P3H2: variants seen among roughly 807,000 people sequenced by gnomAD.
P3H2 encodes the protein leprecan-like 1.
A neutral mutation model predicts 87.0 loss-of-function variants in P3H2; 80 were observed. The observed-to-expected ratio is 0.92, with a 90% CI of 0.77 to 1.11. The LOEUF (loss-of-function observed/expected upper bound fraction) is 1.11. Ranked by LOEUF, P3H2 falls within the 50% of genes least tolerant of loss-of-function variation. The pLI, the probability that P3H2 is intolerant of heterozygous loss-of-function variation, is 0.00. For missense variants in P3H2, 1,001 were observed against 923.9 expected, an observed-to-expected ratio of 1.08 and a Z score of -1.08; for synonymous variants, 367 against 359.3, an observed-to-expected ratio of 1.02 and a Z score of -0.24.
intron 1 of P3H2, among the ~76,000 whole-genome samples, chr3:190,036,557 T>C (rs564122743): frequency 3.9e-4 from 59 of 152,274 alleles, no homozygotes; most frequent in African/African-American, 1.3e-3. Flanking sequence ...AAAATTAACA[T>C]TGAGTCTTAA....
At chr3:189,962,270 G>A (rs1722842630) in intron 14 of P3H2, among the ~76,000 whole-genome samples, 1 of 147,514 alleles carries the variant, frequency 6.8e-6, no homozygotes, top group Non-Finnish European at 1.5e-5. Context: ...CACCTCCTGG[G>A]TTCAAGCGAT....
chr3:190,112,924 T>G (rs1416764479), intron 1 of P3H2, among the ~76,000 whole-genome samples: 1 of 148,902 alleles, frequency 6.7e-6, no homozygotes, highest in African/African-American at 2.5e-5. Context: ...AGAAGAAAGA[T>G]GAATGGAAAA....
rs757519022 is a variant in P3H2, at chr3:189,972,933, A to G, written c.1640T>C (p.Met547Thr). Residue 547 changes from methionine (M) to threonine (T), a missense_variant, in exon 11 of 15, where the codon ATG becomes ACG. Transcript: ENST00000319332. ...GGAAAAATACAGAGTTGAGTTCAGC[A>G]TAAAATAAGATTCTACAATCCTTCG... ...KARRIVESYF[M>T]LNSTLYFSYT... The G allele has an allele frequency of 3.1e-6, 5 of 1,614,156 alleles. No individual in the cohort carries two copies. In the East Asian group the frequency reaches 6.7e-5, roughly 22 times the overall value.
chr3:190,065,346 T>G (rs961591769), intron 1 of P3H2, among the ~76,000 whole-genome samples: 19 of 152,148 alleles, frequency 1.2e-4, no homozygotes, highest in Admixed American at 7.9e-4. Context: ...TCCTTGTCTA[T>G]CAACTGGTTG....
chr3:190,089,242 A>T (rs1214178790), intron 1 of P3H2, among the ~76,000 whole-genome samples: 2 of 152,198 alleles, frequency 1.3e-5, no homozygotes, highest in African/African-American at 2.4e-5. Flanking sequence ...GCGGGGAGGG[A>T]TAGCATTAGG....
In P3H2 at chr3:189,987,549, G is replaced by A. The variant is rs753433171; in HGVS notation, c.1076C>T (p.Pro359Leu). The A allele has an allele frequency of 1.3e-5, 21 of 1,613,666 alleles. No individual in the cohort carries two copies. The highest frequency in any genetic ancestry group is 8.8e-5 in the South Asian group (8 of 91,072). The change falls in exon 5 of 15, where the codon CCG (proline) becomes CTG (leucine). Residue 359 changes from proline to leucine, a missense_variant. Coordinates refer to ENST00000319332, the MANE Select transcript of P3H2 (RefSeq NM_018192.4). ...YESLLDDSID[P>L]ASIEAREDLT... The stretch of plus-strand genomic sequence containing the variant: ...CACCTCTCTGGCCTCAATGGATGCC[G>A]GGTCAATGCTATCATCCAGCAGACT...
chr3:190,039,562 C>T (rs1725536817), intron 1 of P3H2, among the ~76,000 whole-genome samples: 1 of 152,012 alleles, frequency 6.6e-6, no homozygotes, highest in South Asian at 2.1e-4. Flanking sequence ...TGTGTTAAGC[C>T]CATAGCATGG....
chr3:190,083,652 A>G (rs2840177), intron 1 of P3H2, among the ~76,000 whole-genome samples: 1 of 152,240 alleles, frequency 6.6e-6, no homozygotes, highest in Non-Finnish European at 1.5e-5. Context: ...TCTAAAATTA[A>G]CTGAGTATAA....
intron 14 of P3H2, among the ~76,000 whole-genome samples, chr3:189,962,151 TC>T (rs1232703800): frequency 1.9e-5 from 2 of 106,266 alleles, no homozygotes; most frequent in East Asian, 4.8e-4. Context: ...TCTTTCTTTT[TC>T]TTCTTCTTCT....
At chr3:190,089,819 C>T (rs764484021) in intron 1 of P3H2, among the ~76,000 whole-genome samples, 1 of 152,140 alleles carries the variant, frequency 6.6e-6, no homozygotes, top group Non-Finnish European at 1.5e-5. Flanking sequence ...TTTAAAAAGA[C>T]TTGCATACCA....
At chr3:189,967,991 A>C (rs1723051845) in intron 13 of P3H2, among the ~76,000 whole-genome samples, 1 of 152,206 alleles carries the variant, frequency 6.6e-6, no homozygotes, top group Non-Finnish European at 1.5e-5. Context: ...AAAAGTTTAG[A>C]AATAGCTTCT....
rs1216114383 is a variant in P3H2, at chr3:189,957,901, C to G, written c.*11G>C. 6.5e-7 allele frequency: 1 copy of G among 1,546,002 alleles called. No homozygotes were observed. The highest frequency in any genetic ancestry group is 1.1e-5 in the South Asian group (1 of 89,684). On this transcript the variant is annotated 3_prime_UTR_variant, in exon 15 of 15. Coordinates refer to ENST00000319332, the MANE Select transcript of P3H2 (RefSeq NM_018192.4). ...TTAAATAAATATTTGATAGAACATTCTTTCTCATTTTTATAGCTCATCTTT... is the reference window on the plus strand; with the variant it reads ...TTAAATAAATATTTGATAGAACATTGTTTCTCATTTTTATAGCTCATCTTT...
At position 189,984,537 on chromosome 3, in the gene P3H2, T is replaced by C. The variant is rs373600298; in HGVS notation, c.1229+13A>G. ...CCTCATAAAAAACCAGTTTGCATTCTGAATGGACTTACCGATTCTCATCCT... is the reference window on the plus strand; with the variant it reads ...CCTCATAAAAAACCAGTTTGCATTCCGAATGGACTTACCGATTCTCATCCT... On this transcript the variant is annotated intron_variant, in intron 7 of 14. Coordinates refer to ENST00000319332, the MANE Select transcript of P3H2 (RefSeq NM_018192.4). 3.1e-6 allele frequency: 5 copies of C among 1,606,930 alleles called. No individual in the cohort carries two copies. The highest frequency in any genetic ancestry group is 2.7e-5 in the African/African-American group (2 of 74,700).
chr3:189,973,586 C>T (rs1440567085), intron 10 of P3H2, among the ~76,000 whole-genome samples: 4 of 141,244 alleles, frequency 2.8e-5, no homozygotes, highest in South Asian at 2.3e-4. Context: ...TGCAGTGGCG[C>T]GATCTCGGCT....
intron 1 of P3H2, among the ~76,000 whole-genome samples, chr3:190,047,346 T>C (rs892803239): frequency 6.6e-6 from 1 of 152,124 alleles, no homozygotes; most frequent in African/African-American, 2.4e-5. Flanking sequence ...AAACTAAAAG[T>C]AGAATTACCA....
intron 1 of P3H2, among the ~76,000 whole-genome samples, chr3:190,041,033 TATATACAC>T (rs1375533041): frequency 8.7e-4 from 33 of 37,824 alleles, no homozygotes; most frequent in African/African-American, 5.2e-3. Flanking sequence ...TATATATATA[TATATACAC>T]ACACACACAC....
chr3:190,007,965 C>CACACACACACACACACATATATATATAT lies in P3H2; in HGVS notation c.481-12524_481-12523insATATATATATATGTGTGTGTGTGTGTGT. Among the ~76,000 whole-genome samples the CACACACACACACACACATATATATATAT allele has an allele frequency of 6.8e-3, 638 of 94,284 alleles. 9 individuals carry two copies. The highest frequency in any genetic ancestry group is 0.034 in the East Asian group (89 of 2,600). The allele number at this position is 94,284 out of a possible 152,430, so 61.9% of individuals were successfully genotyped here. A position where few individuals can be genotyped will look rare whatever the true frequency, so the allele number is the denominator to read the frequency against. On this transcript the variant is annotated intron_variant, in intron 1 of 14. Coordinates refer to ENST00000319332, the MANE Select transcript of P3H2 (RefSeq NM_018192.4). ...GCCTGAGACTCTATTTGTTGACACA[C>CACACACACACACACACATATATATATAT]ATATATATATATATATATATAGTAA...
At chr3:190,038,486 GAAAA>G (rs57971408) in intron 1 of P3H2, among the ~76,000 whole-genome samples, 11 of 92,604 alleles carry the variant, frequency 1.2e-4, no homozygotes, top group African/African-American at 2.8e-4. Context: ...ACTGCAGAAT[GAAAA>G]AAAAAAAAAA....
At chr3:190,043,566 G>C (rs1725707913) in intron 1 of P3H2, among the ~76,000 whole-genome samples, 1 of 152,136 alleles carries the variant, frequency 6.6e-6, no homozygotes, top group Non-Finnish European at 1.5e-5. Context: ...TCACTTTATT[G>C]AGGTATAACT....
Sources: allele counts gnomAD v4.1 joint callset (sites outside exome capture counted in the v4.1 genomes callset), GRCh38; gene constraint gnomAD v4.1.1; transcripts MANE v1.5; gene names NCBI Gene and HGNC (gene_info 2026-07-23, HGNC 2026-07-21).